DYSF: variants seen among roughly 807,000 people sequenced by gnomAD.
The protein encoded by DYSF is dysferlin, also known as dystrophy-associated fer-1-like 1.
In DYSF, 212 loss-of-function variants were observed where a neutral mutation model predicts 274.9. That is an observed-to-expected ratio of 0.77 (90% CI 0.69 to 0.86). DYSF has a LOEUF of 0.86. Among genes scored for constraint, DYSF ranks in the 40% least tolerant of loss-of-function variants. DYSF has a pLI of 0.00. For missense variants in DYSF, 2,666 were observed against 2,783.2 expected, an observed-to-expected ratio of 0.96 and a Z score of 0.95; for synonymous variants, 1,091 against 1,078.7, an observed-to-expected ratio of 1.01 and a Z score of -0.22.
intron 30 of DYSF, chr2:71,576,131 G>A (rs915026385): frequency 6.6e-6 from 1 of 152,400 alleles, no homozygotes; most frequent in Admixed American, 6.5e-5. Flanking sequence ...GCACCTGGGT[G>A]AGGGATGGAG....
intron 3 of DYSF, among the ~76,000 whole-genome samples, chr2:71,499,474 T>G (rs2084757605): frequency 6.6e-6 from 1 of 152,260 alleles, no homozygotes; most frequent in Non-Finnish European, 1.5e-5. Context: ...TTTGATTTCT[T>G]TGTGCTTTAT....
Position 71,466,862 on chromosome 2 carries a change from T to C in DYSF, c.20T>C (p.Val7Ala). ...CCAGCCATGCTGTGCTGCCTGCTGGTGAGGGCCAGCAACCTCCCCAGTGCG... is the reference window on the plus strand; with the variant it reads ...CCAGCCATGCTGTGCTGCCTGCTGGCGAGGGCCAGCAACCTCCCCAGTGCG... MLCCLL[V>A]RASNLPSAKK... is the part of the protein sequence containing the mutation. The change falls in exon 1 of 56, where the codon GTG becomes GCG. Residue 7 changes from valine to alanine, a missense_variant. Coordinates refer to ENST00000410020, the MANE Select transcript of DYSF (RefSeq NM_001130987.2). The C allele has an allele frequency of 6.5e-7, 1 of 1,543,902 alleles. No homozygotes were observed. Among genetic ancestry groups the C allele is most frequent in the South Asian group, 1.2e-5 (1 of 83,836 alleles).
chr2:71,468,443 G>A (rs930821769), intron 1 of DYSF, among the ~76,000 whole-genome samples: 2 of 152,190 alleles, frequency 1.3e-5, no homozygotes, highest in East Asian at 3.9e-4. Context: ...CCAGCGCTTG[G>A]AGTGGGTATT....
chr2:71,472,658 G>A (rs1464159407), intron 1 of DYSF, among the ~76,000 whole-genome samples: 11 of 152,146 alleles, frequency 7.2e-5, no homozygotes, highest in Non-Finnish European at 1.6e-4. Context: ...CACCCGCCTT[G>A]GCCTCCCAAA....
chr2:71,551,727 G>A lies in DYSF; in HGVS notation c.1806+7G>A, dbSNP rs758951311. ...TGACATCCTCCGGGTGGAGGTGAGG[G>A]GTGTGGCTCTGGGTGGGAGCTGGGC... On this transcript the variant is annotated splice_region_variant and intron_variant, in intron 19 of 55. Coordinates refer to ENST00000410020, the MANE Select transcript of DYSF (RefSeq NM_001130987.2). 8.8e-6 allele frequency: 14 copies of A among 1,598,434 alleles called. No individual in the cohort carries two copies. Among genetic ancestry groups the A allele is most frequent in the Non-Finnish European group, 1.2e-5 (14 of 1,174,352 alleles).
chr2:71,612,482 G>A (rs974439085), intron 38 of DYSF, among the ~76,000 whole-genome samples, 159 bp from the exon 39 acceptor site: 1 of 152,228 alleles, frequency 6.6e-6, no homozygotes. Context: ...GAAAAGGTGT[G>A]TGGCTTCGCT....
At position 71,659,018 on chromosome 2, in the gene DYSF, G is replaced by T. The variant is rs1453872151; in HGVS notation, c.4896G>T (p.Lys1632Asn). The stretch of plus-strand genomic sequence containing the variant: ...TCCGAGCATTTGGCCTGCAGCCCAA[G>T]GACCCCAATGGAAAGGTAACTTTCC... ...YIVRAFGLQP[K>N]DPNGKCDPYI... Residue 1632 changes from lysine to asparagine, a missense_variant, in exon 44 of 56, where the codon AAG (lysine) becomes AAT (asparagine). Lys to Asn is a moderately conservative substitution (Grantham distance 94). Around this residue, in one of 3 missense-constraint regions of DYSF, gnomAD observed 1,460 missense variants for 1,502.1 expected, o/e 0.97. Transcript: ENST00000410020. The T allele has an allele frequency of 2.5e-6, 4 of 1,614,032 alleles. No homozygotes were observed. The highest frequency in any genetic ancestry group is 3.4e-6 in the Non-Finnish European group (4 of 1,180,044).
chr2:71,648,549 A>C (rs111339667), intron 42 of DYSF, among the ~76,000 whole-genome samples: 13 of 148,184 alleles, frequency 8.8e-5, no homozygotes, highest in African/African-American at 3.2e-4. Context: ...AGTAAAAAAA[A>C]TTACAGAAAA....
At chr2:71,561,989 C>T in intron 23 of DYSF, 45 bp downstream of exon 23, 1 of 1,591,994 alleles carries the variant, frequency 6.3e-7, no homozygotes, top group Non-Finnish European at 8.5e-7. Flanking sequence ...TCTCCTGCTG[C>T]CTGGAACATC....
chr2:71,586,495 C>T (rs187579623), intron 30 of DYSF, among the ~76,000 whole-genome samples: 119 of 152,164 alleles, frequency 7.8e-4, no homozygotes, highest in Middle Eastern at 3.4e-3. Flanking sequence ...GGGGCATTCT[C>T]AGTGGGAGCG....
intron 3 of DYSF, among the ~76,000 whole-genome samples, chr2:71,490,938 T>C (rs889316420): frequency 2.0e-5 from 3 of 152,184 alleles, no homozygotes; most frequent in Non-Finnish European, 4.4e-5. Context: ...TTTTATGTTC[T>C]TATGCTATTT....
At chr2:71,668,993 C>G in intron 49 of DYSF, 119 bp from the exon 50 acceptor site, 3 of 1,286,804 alleles carry the variant, frequency 2.3e-6, no homozygotes, top group East Asian at 2.5e-5. Flanking sequence ...GGGCCAGTGT[C>G]CAGCCAGGCA....
chr2:71,471,619 C>T (rs373604031), intron 1 of DYSF, among the ~76,000 whole-genome samples: 373 of 152,318 alleles, frequency 2.4e-3, no homozygotes, highest in African/African-American at 8.5e-3. Flanking sequence ...ATTTCTCCAC[C>T]AGAAGTAATC....
chr2:71,607,093 TG>T (rs1169267049), intron 36 of DYSF, among the ~76,000 whole-genome samples: 1 of 152,164 alleles, frequency 6.6e-6, no homozygotes, highest in African/African-American at 2.4e-5. Flanking sequence ...GGTGATGGAT[TG>T]ATGTGTCTTT....
Position 71,542,657 on chromosome 2 carries a change from A to G in DYSF, c.1576+3418A>G, listed in dbSNP as rs1282727224. 3.9e-5 allele frequency among the ~76,000 whole-genome samples: 6 copies of G among 152,294 alleles called. No individual in the cohort carries two copies. In the South Asian group the frequency reaches 6.2e-4, roughly 16 times the overall value. ...TTAATCCATTTAACCCTGAGTGGACACAGCACATGTTTCAGAGAGCACCGG... is the reference window on the plus strand; with the variant it reads ...TTAATCCATTTAACCCTGAGTGGACGCAGCACATGTTTCAGAGAGCACCGG... On this transcript the variant is annotated intron_variant, in intron 17 of 55. Coordinates refer to ENST00000410020, the MANE Select transcript of DYSF (RefSeq NM_001130987.2).
chr2:71,591,778 C>T (rs1445924528), intron 32 of DYSF, among the ~76,000 whole-genome samples: 1 of 152,256 alleles, frequency 6.6e-6, no homozygotes, highest in Non-Finnish European at 1.5e-5. Flanking sequence ...CCACTCTCCT[C>T]CGCGATGTGG....
chr2:71,508,478 T>C lies in DYSF; in HGVS notation c.346-3329T>C, dbSNP rs534649094. Among the ~76,000 whole-genome samples the C allele has an allele frequency of 3.4e-3, 515 of 152,358 alleles. 2 individuals are homozygous for C. Among genetic ancestry groups the C allele is most frequent in the Non-Finnish European group, 5.9e-3 (401 of 68,026 alleles). On this transcript the variant is annotated intron_variant, in intron 4 of 55. Transcript: ENST00000410020. ...TTCAGTTTCCTTCCATTTGGAATAA[T>C]TCCTCAGTCTTTCTTTGACTTTTAT...
chr2:71,631,837 C>T (rs996639680), intron 41 of DYSF, among the ~76,000 whole-genome samples: 8 of 151,976 alleles, frequency 5.3e-5, no homozygotes, highest in Admixed American at 3.3e-4. Flanking sequence ...GTGCACCCCT[C>T]CTCCCTCGCT....
chr2:71,657,480 A>C (rs2094795838), intron 43 of DYSF, among the ~76,000 whole-genome samples: 1 of 152,134 alleles, frequency 6.6e-6, no homozygotes, highest in African/African-American at 2.4e-5. Context: ...GCAGTGCCCC[A>C]GATGTGGGGC....
Sources: allele counts gnomAD v4.1 joint callset (sites outside exome capture counted in the v4.1 genomes callset), GRCh38; gene constraint gnomAD v4.1.1; regional missense constraint gnomAD v4.1.1; transcripts MANE v1.5; gene names NCBI Gene and HGNC (gene_info 2026-07-23, HGNC 2026-07-21).